The following RARS2 variants were observed in gnomAD, a reference collection of about 807,000 sequenced individuals.
RARS2 encodes the protein probable arginine--tRNA ligase, mitochondrial.
A neutral mutation model predicts 88.5 loss-of-function variants in RARS2; 67 were observed. The ratio of observed to expected loss-of-function variants is 0.76; its 90% CI spans 0.62 to 0.93. The LOEUF (loss-of-function observed/expected upper bound fraction) is 0.93. RARS2 is among the 40% of genes least tolerant of loss of function. The pLI is 0.00. For missense variants in RARS2, 664 were observed against 684.2 expected, an observed-to-expected ratio of 0.97 and a Z score of 0.33; for synonymous variants, 239 against 230.3, an observed-to-expected ratio of 1.04 and a Z score of -0.34.
At chr6:87,519,184 ATGTGTGTGTG>A (rs374177464) in intron 14 of RARS2, 20 of 225,016 alleles carry the variant, frequency 8.9e-5, no homozygotes, top group Non-Finnish European at 1.4e-4. Context: ...ATAAATATAT[ATGTGTGTGTG>A]TGTGTGTGTG....
intron 7 of RARS2, 150 bp downstream of exon 7, chr6:87,545,466 A>T: frequency 1.1e-6 from 1 of 904,762 alleles, no homozygotes. Context: ...AGAAGATTTT[A>T]TGCAAAAGAG....
chr6:87,550,300 T>C (rs1582594831), intron 5 of RARS2, among the ~76,000 whole-genome samples: 1 of 152,204 alleles, frequency 6.6e-6, no homozygotes, highest in East Asian at 1.9e-4. Flanking sequence ...AGGACTGTGA[T>C]GTCTGAGAGA....
intron 4 of RARS2, among the ~76,000 whole-genome samples, chr6:87,557,201 G>T (rs1786239860): frequency 6.6e-6 from 1 of 152,038 alleles, no homozygotes; most frequent in African/African-American, 2.4e-5. Flanking sequence ...AAAAACTAAG[G>T]TTCAGAAATA....
At chr6:87,556,237 T>C (rs1289922818) in intron 4 of RARS2, among the ~76,000 whole-genome samples, 1 of 152,236 alleles carries the variant, frequency 6.6e-6, no homozygotes. Flanking sequence ...TCATATTTTA[T>C]GTTAATGGTG....
chr6:87,571,172 T>G (rs1769572668), intron 1 of RARS2, among the ~76,000 whole-genome samples: 1 of 54,794 alleles, frequency 1.8e-5, no homozygotes, highest in Non-Finnish European at 3.9e-5. Flanking sequence ...ATGGGGTGGT[T>G]TCCCCCATTC....
At chr6:87,519,421 A>G (rs1773090502) in intron 14 of RARS2, among the ~76,000 whole-genome samples, 162 bp downstream of exon 14, 1 of 152,106 alleles carries the variant, frequency 6.6e-6, no homozygotes, top group Admixed American at 6.6e-5. Context: ...CTGAGTAGCG[A>G]GTATAAAAAT....
chr6:87,589,335 AC>A (rs1157299823), intron 1 of RARS2, among the ~76,000 whole-genome samples: 1 of 152,174 alleles, frequency 6.6e-6, no homozygotes, highest in African/African-American at 2.4e-5. Flanking sequence ...ATACGGCGAG[AC>A]CCCGTTCTCC....
intron 7 of RARS2, 44 bp downstream of exon 7, chr6:87,545,572 G>A: frequency 6.2e-7 from 1 of 1,605,418 alleles, no homozygotes; most frequent in Non-Finnish European, 8.5e-7. Flanking sequence ...TTTACAAATT[G>A]AATTTTACAA....
rs553502877 is a variant in RARS2 at position 87,530,895 on chromosome 6, T to C, written c.660A>G (p.Ala220=). The change falls in exon 9 of 20, where the codon GCA becomes GCG. Residue 220 remains alanine, a synonymous_variant. Transcript: ENST00000369536. ...NKEAADDKSV[A]KAAQEFFQRL... is the part of the protein sequence containing the mutation. ...GTTGGAAGAACTCCTGTGCTGCTTT[T>C]GCTACACTTTTATCATCTGCTGCTT... 1 of 1,614,232 alleles carries C rather than the reference T, an allele frequency of 6.2e-7. No individual in the cohort carries two copies. The highest frequency in any genetic ancestry group is 8.5e-7 in the Non-Finnish European group (1 of 1,180,032).
intron 1 of RARS2, among the ~76,000 whole-genome samples, chr6:87,580,507 G>C (rs994626947): frequency 1.3e-5 from 2 of 151,328 alleles, no homozygotes; most frequent in African/African-American, 4.9e-5. Flanking sequence ...AGGTGCAGTT[G>C]CTCATGCCTG....
At chr6:87,533,723 C>A (rs16879526) in intron 8 of RARS2, among the ~76,000 whole-genome samples, 1,828 of 152,284 alleles carry the variant, frequency 0.012, 36 homozygotes, top group African/African-American at 0.041. Flanking sequence ...AATAGCGTAA[C>A]ATTTTATTTT....
At chr6:87,578,118 C>T (rs71572766) in intron 1 of RARS2, among the ~76,000 whole-genome samples, 175 of 149,746 alleles carry the variant, frequency 1.2e-3, no homozygotes, top group Non-Finnish European at 2.3e-3. Flanking sequence ...CCCCCCCCCC[C>T]GCCATCTCTA....
chr6:87,561,538 T>C (rs1042758487), intron 4 of RARS2, among the ~76,000 whole-genome samples: 1 of 152,220 alleles, frequency 6.6e-6, no homozygotes, highest in East Asian at 1.9e-4. Context: ...TCTCTACTTA[T>C]ATTAATTTTG....
Position 87,589,916 on chromosome 6 carries a change from C to T in RARS2, c.36+6G>A, listed in dbSNP as rs1776507664. The T allele has an allele frequency of 6.2e-7, 1 of 1,614,118 alleles. No individual in the cohort carries two copies. Among genetic ancestry groups the T allele is most frequent in the African/African-American group, 1.3e-5 (1 of 74,952 alleles). On this transcript the variant is annotated splice_donor_region_variant and intron_variant, in intron 1 of 19. Coordinates refer to ENST00000369536, the MANE Select transcript of RARS2 (RefSeq NM_020320.5). ...GGGACTCCTCTGCGCGCTCCGGGATCCATACCTGGCAAGCAATAGCGCGGC... is the reference window on the plus strand; with the variant it reads ...GGGACTCCTCTGCGCGCTCCGGGATTCATACCTGGCAAGCAATAGCGCGGC...
intron 1 of RARS2, among the ~76,000 whole-genome samples, chr6:87,577,795 T>C (rs927608285): frequency 3.3e-5 from 5 of 152,198 alleles, no homozygotes; most frequent in African/African-American, 7.2e-5. Flanking sequence ...CTTCATCCCT[T>C]ATGGTAGACG....
intron 8 of RARS2, among the ~76,000 whole-genome samples, chr6:87,537,891 CAG>C (rs1221253756): frequency 3.3e-5 from 5 of 152,288 alleles, no homozygotes; most frequent in African/African-American, 7.2e-5. Context: ...AACGATGGGG[CAG>C]AGTCTCTGTA....
At chr6:87,535,128 T>C (rs920855199) in intron 8 of RARS2, among the ~76,000 whole-genome samples, 3 of 151,902 alleles carry the variant, frequency 2.0e-5, no homozygotes, top group Non-Finnish European at 4.4e-5. Flanking sequence ...ATTTCTTACA[T>C]ATAAATGTTA....
intron 8 of RARS2, among the ~76,000 whole-genome samples, chr6:87,535,920 G>A (rs1779014875): frequency 6.6e-6 from 1 of 151,848 alleles, no homozygotes; most frequent in African/African-American, 2.4e-5. Context: ...TTTGAGCTCA[G>A]GCAATCCACC....
chr6:87,537,862 CTTTCT>C (rs1286560193), intron 8 of RARS2, among the ~76,000 whole-genome samples: 1 of 152,192 alleles, frequency 6.6e-6, no homozygotes, highest in East Asian at 1.9e-4. Context: ...TTCTGGTCAC[CTTTCT>C]GGTGACCAGA....
Sources: allele counts gnomAD v4.1 joint callset (sites outside exome capture counted in the v4.1 genomes callset), GRCh38; gene constraint gnomAD v4.1.1; transcripts MANE v1.5; gene names NCBI Gene and HGNC (gene_info 2026-07-23, HGNC 2026-07-21).